BMP5: variants seen among roughly 807,000 people sequenced by gnomAD.
BMP5 encodes the protein bone morphogenetic protein 5.
BMP5 carries 23 observed loss-of-function variants against 46.6 expected under a neutral mutation model. That is an observed-to-expected ratio of 0.49 (90% CI 0.35 to 0.70). The LOEUF is 0.70. BMP5 is among the 30% of genes least tolerant of loss of function. The probability of loss-of-function intolerance (pLI) is 0.00; values close to 1 mark genes in which losing one functional copy is unlikely to be tolerated. For missense variants in BMP5, 545 were observed against 565.6 expected (o/e 0.96, Z 0.37); for synonymous variants, 204 against 191.9 (o/e 1.06, Z -0.52).
At chr6:55,787,108 G>C (rs1340989088) in intron 3 of BMP5, among the ~76,000 whole-genome samples, 2 of 151,462 alleles carry the variant, frequency 1.3e-5, no homozygotes, top group Non-Finnish European at 3.0e-5. Context: ...CTGATATTCA[G>C]ATTACCCAGC....
chr6:55,787,472 G>A (rs1775476207), intron 3 of BMP5, among the ~76,000 whole-genome samples: 1 of 151,568 alleles, frequency 6.6e-6, no homozygotes, highest in African/African-American at 2.4e-5. Flanking sequence ...AAAAGATGTG[G>A]CAATTTTGGA....
intron 1 of BMP5, among the ~76,000 whole-genome samples, chr6:55,835,086 C>CA (rs757850483): frequency 0.056 from 6,307 of 112,380 alleles, 436 homozygotes; most frequent in African/African-American, 0.17. Context: ...AACTCCATCT[C>CA]AAAAAAAAAA....
intron 2 of BMP5, among the ~76,000 whole-genome samples, chr6:55,815,869 G>T (rs1324423457): frequency 6.6e-6 from 1 of 151,848 alleles, no homozygotes; most frequent in Non-Finnish European, 1.5e-5. Flanking sequence ...TATCATTTTT[G>T]TCATGTGTTA....
chr6:55,835,983 A>G (rs1050528221), intron 1 of BMP5, among the ~76,000 whole-genome samples: 3 of 152,204 alleles, frequency 2.0e-5, no homozygotes, highest in African/African-American at 7.2e-5. Flanking sequence ...GATTTAACAC[A>G]ATACGGTATT....
intron 1 of BMP5, among the ~76,000 whole-genome samples, chr6:55,852,196 A>G (rs771860800): frequency 6.6e-6 from 1 of 152,106 alleles, no homozygotes; most frequent in African/African-American, 2.4e-5. Context: ...TAGGGCTTTA[A>G]AATGTACATT....
At chr6:55,811,091 T>C (rs1315449643) in intron 2 of BMP5, among the ~76,000 whole-genome samples, 1 of 152,142 alleles carries the variant, frequency 6.6e-6, no homozygotes, top group Non-Finnish European at 1.5e-5. Flanking sequence ...CATCTGAGTG[T>C]CCTGTTCTGG....
chr6:55,769,105 T>C (rs1774985028), intron 4 of BMP5, among the ~76,000 whole-genome samples: 1 of 151,974 alleles, frequency 6.6e-6, no homozygotes, highest in Admixed American at 6.6e-5. Flanking sequence ...AGGTTGGTGA[T>C]TGCTGAAGGT....
intron 2 of BMP5, 49 bp from the exon 3 acceptor site, chr6:55,794,476 CATT>C (rs1157371672): frequency 2.2e-5 from 34 of 1,565,822 alleles, no homozygotes; most frequent in Non-Finnish European, 2.8e-5. Flanking sequence ...AAATGAACAT[CATT>C]ATTTCCTAGA....
intron 3 of BMP5, among the ~76,000 whole-genome samples, chr6:55,774,962 T>C (rs1000074248): frequency 1.3e-5 from 2 of 151,976 alleles, no homozygotes; most frequent in Non-Finnish European, 2.9e-5. Flanking sequence ...TTGACACACC[T>C]AAATGTTTAC....
intron 1 of BMP5, among the ~76,000 whole-genome samples, chr6:55,856,954 A>C (rs1331553765): frequency 6.6e-6 from 1 of 152,168 alleles, no homozygotes; most frequent in Non-Finnish European, 1.5e-5. Context: ...TACATTTCTA[A>C]TCATCTTTAC....
chr6:55,861,899 A>T (rs924333897), intron 1 of BMP5, among the ~76,000 whole-genome samples: 1 of 152,222 alleles, frequency 6.6e-6, no homozygotes, highest in Non-Finnish European at 1.5e-5. Context: ...TTGAGCTCTG[A>T]ATCCAGTTCT....
rs749711064 is a variant in BMP5 at position 55,759,047 on chromosome 6, G to A, written c.1173C>T (p.Asn391=). The A allele has an allele frequency of 9.4e-6, 15 of 1,590,236 alleles. No individual in the cohort carries two copies. Among genetic ancestry groups the A allele is most frequent in the African/African-American group, 4.1e-5 (3 of 72,712 alleles). The change falls in exon 6 of 7, where the codon AAC becomes AAT. Residue 391 remains asparagine, a synonymous_variant. Transcript: ENST00000370830. The part of the protein sequence containing the change: ...YCDGECSFPL[N]AHMNATNHAI... The stretch of plus-strand genomic sequence containing the variant: ...CGTGGTTGGTGGCATTCATATGGGC[G>A]TTAAGTGGAAAAGAACATTCTCCAT...
chr6:55,787,776 A>G (rs549681852), intron 3 of BMP5, among the ~76,000 whole-genome samples: 2 of 151,798 alleles, frequency 1.3e-5, no homozygotes, highest in Non-Finnish European at 3.0e-5. Context: ...ATAACAAAAG[A>G]CTTTATTTGA....
At chr6:55,863,549 A>G (rs867690047) in intron 1 of BMP5, among the ~76,000 whole-genome samples, 1 of 152,206 alleles carries the variant, frequency 6.6e-6, no homozygotes, top group Non-Finnish European at 1.5e-5. Context: ...AGTCTCTGCC[A>G]TGGGAACTAC....
At chr6:55,821,551 C>T (rs1266815892) in intron 1 of BMP5, among the ~76,000 whole-genome samples, 3 of 152,114 alleles carry the variant, frequency 2.0e-5, no homozygotes, top group Admixed American at 2.0e-4. Context: ...ACTACAGTAA[C>T]ACCACCTCAC....
At chr6:55,871,289 A>C (rs1777782857) in intron 1 of BMP5, among the ~76,000 whole-genome samples, 1 of 151,940 alleles carries the variant, frequency 6.6e-6, no homozygotes, top group Non-Finnish European at 1.5e-5. Context: ...ACCAAGCAAA[A>C]GTTCCACTGA....
chr6:55,806,082 A>T (rs1270257645), intron 2 of BMP5, among the ~76,000 whole-genome samples: 1 of 152,010 alleles, frequency 6.6e-6, no homozygotes, highest in African/African-American at 2.4e-5. Flanking sequence ...ATTAGATCTC[A>T]TTTATTACTT....
chr6:55,762,044 T>C (rs1327120697), intron 4 of BMP5, among the ~76,000 whole-genome samples: 1 of 152,146 alleles, frequency 6.6e-6, no homozygotes, highest in Non-Finnish European at 1.5e-5. Context: ...CCCATAACTT[T>C]TTATAATTGT....
At chr6:55,755,969 A>C (rs1360673887) in intron 6 of BMP5, among the ~76,000 whole-genome samples, 1 of 151,988 alleles carries the variant, frequency 6.6e-6, no homozygotes, top group Non-Finnish European at 1.5e-5. Context: ...TTTCCTAGGG[A>C]AAGAACACAG....
Sources: allele counts gnomAD v4.1 joint callset (sites outside exome capture counted in the v4.1 genomes callset), GRCh38; gene constraint gnomAD v4.1.1; transcripts MANE v1.5; gene names NCBI Gene and HGNC (gene_info 2026-07-23, HGNC 2026-07-21).